The following CYYR1 variants were observed in gnomAD, a reference collection of about 807,000 sequenced individuals.
CYYR1 encodes cysteine and tyrosine rich 1, also known as cysteine and tyrosine-rich protein 1.
Under a neutral mutation model 15.2 loss-of-function variants are expected in CYYR1, and 14 were observed. The ratio of observed to expected loss-of-function variants is 0.92; its 90% CI spans 0.61 to 1.44. CYYR1 has a LOEUF of 1.44. Ranked by LOEUF, CYYR1 falls within the 40% of genes most tolerant of loss-of-function variation. The pLI, the probability that CYYR1 is intolerant of heterozygous loss-of-function variation, is 0.00. For missense variants in CYYR1, 228 were observed against 209.5 expected, an observed-to-expected ratio of 1.09 and a Z score of -0.54; for synonymous variants, 80 against 77.4, an observed-to-expected ratio of 1.03 and a Z score of -0.18.
chr21:26,499,465 G>A (rs747818236), intron 2 of CYYR1, among the ~76,000 whole-genome samples: 12 of 152,308 alleles, frequency 7.9e-5, no homozygotes, highest in Admixed American at 2.6e-4. Context: ...TCCCCAGAAC[G>A]TCAAGAGAAT....
At chr21:26,542,221 A>G (rs1978596520) in intron 2 of CYYR1, among the ~76,000 whole-genome samples, 1 of 123,076 alleles carries the variant, frequency 8.1e-6, no homozygotes, top group Non-Finnish European at 1.6e-5. Context: ...CATAAACAGC[A>G]TAAGAAGGTG....
chr21:26,551,157 A>C (rs1296628762), intron 2 of CYYR1: 1 of 152,648 alleles, frequency 6.6e-6, no homozygotes, highest in African/African-American at 2.4e-5. Context: ...CATTTACTGA[A>C]TATTTGAAGC....
intron 2 of CYYR1, among the ~76,000 whole-genome samples, chr21:26,506,181 G>A (rs2830266): frequency 0.81 from 122,358 of 151,986 alleles, 49,412 homozygotes; most frequent in African/African-American, 0.83. Context: ...GGGGCCCTTG[G>A]GAAATTTGAA....
At chr21:26,507,533 A>T (rs1208075651) in intron 2 of CYYR1, among the ~76,000 whole-genome samples, 3 of 152,172 alleles carry the variant, frequency 2.0e-5, no homozygotes, top group African/African-American at 7.2e-5. Flanking sequence ...TTCTCAATGG[A>T]TTTCTCCTTT....
At chr21:26,512,207 AT>A (rs959716967) in intron 2 of CYYR1, among the ~76,000 whole-genome samples, 3 of 144,388 alleles carry the variant, frequency 2.1e-5, no homozygotes, top group Non-Finnish European at 3.2e-5. Context: ...TTTTTTATTT[AT>A]TTTTTTTTGA....
intron 2 of CYYR1, among the ~76,000 whole-genome samples, chr21:26,542,237 CG>C (rs1162294962): frequency 9.1e-5 from 1 of 11,004 alleles, no homozygotes; most frequent in African/African-American, 5.3e-4. Flanking sequence ...AGGTGGGGGA[CG>C]GGGGCGGGGC....
At chr21:26,533,084 A>G (rs1401708907) in intron 2 of CYYR1, among the ~76,000 whole-genome samples, 2 of 151,640 alleles carry the variant, frequency 1.3e-5, no homozygotes, top group African/African-American at 4.8e-5. Flanking sequence ...GGGATACTCA[A>G]CCCGGAATCT....
chr21:26,545,145 T>G (rs1978869818), intron 2 of CYYR1, among the ~76,000 whole-genome samples: 1 of 152,124 alleles, frequency 6.6e-6, no homozygotes, highest in African/African-American at 2.4e-5. Context: ...ACTTTTTTAT[T>G]GAAATTATAT....
At chr21:26,503,283 T>C (rs543932023) in intron 2 of CYYR1, among the ~76,000 whole-genome samples, 1 of 152,312 alleles carries the variant, frequency 6.6e-6, no homozygotes, top group African/African-American at 2.4e-5. Flanking sequence ...ACTTCTTTAG[T>C]CACTTGTTTC....
intron 3 of CYYR1, among the ~76,000 whole-genome samples, chr21:26,475,818 G>A (rs1275997554): frequency 1.3e-5 from 2 of 152,242 alleles, no homozygotes; most frequent in East Asian, 3.9e-4. Flanking sequence ...GTCTGCCTGG[G>A]CGAAGACTTG....
At chr21:26,498,540 G>T (rs1184766013) in intron 2 of CYYR1, among the ~76,000 whole-genome samples, 1 of 152,186 alleles carries the variant, frequency 6.6e-6, no homozygotes, top group Non-Finnish European at 1.5e-5. Flanking sequence ...TTGTGAATGT[G>T]CTTGGAGAAT....
At chr21:26,471,654 A>G (rs994824278) in intron 3 of CYYR1, 2 of 152,204 alleles carry the variant, frequency 1.3e-5, no homozygotes, top group Non-Finnish European at 2.9e-5. Flanking sequence ...TGTGGGCTGT[A>G]TTATCTTTCT....
intron 2 of CYYR1, among the ~76,000 whole-genome samples, chr21:26,560,703 C>G (rs372521660): frequency 6.6e-6 from 1 of 152,106 alleles, no homozygotes; most frequent in East Asian, 1.9e-4. Context: ...CTTTAAGAGG[C>G]CTTTCCAGCA....
intron 2 of CYYR1, among the ~76,000 whole-genome samples, chr21:26,542,663 G>C (rs1187559100): frequency 6.6e-6 from 1 of 151,412 alleles, no homozygotes; most frequent in Non-Finnish European, 1.5e-5. Flanking sequence ...GAATTAAAAG[G>C]CATACAGATC....
intron 2 of CYYR1, among the ~76,000 whole-genome samples, chr21:26,548,777 A>C (rs1979165414): frequency 6.6e-6 from 1 of 152,224 alleles, no homozygotes; most frequent in Admixed American, 6.5e-5. Flanking sequence ...TTTCTAGATT[A>C]GATTCTGGGA....
At chr21:26,488,401 C>T (rs1344483995) in intron 2 of CYYR1, among the ~76,000 whole-genome samples, 1 of 151,852 alleles carries the variant, frequency 6.6e-6, no homozygotes, top group Admixed American at 6.6e-5. Flanking sequence ...ACTATGGGCA[C>T]ACGTCACCAT....
At chr21:26,515,489 A>G (rs1282821211) in intron 2 of CYYR1, among the ~76,000 whole-genome samples, 1 of 152,058 alleles carries the variant, frequency 6.6e-6, no homozygotes, top group East Asian at 1.9e-4. Flanking sequence ...CTCCCCAGGT[A>G]GCTGGAAACT....
chr21:26,566,023 G>A (rs139254719), intron 2 of CYYR1, among the ~76,000 whole-genome samples: 2 of 152,054 alleles, frequency 1.3e-5, no homozygotes, highest in African/African-American at 4.8e-5. Flanking sequence ...AACAATAAAA[G>A]AATAACTCTT....
At chr21:26,529,118 C>A (rs2065899090) in intron 2 of CYYR1, among the ~76,000 whole-genome samples, 1 of 152,108 alleles carries the variant, frequency 6.6e-6, no homozygotes, top group Admixed American at 6.6e-5. Context: ...TGTGTATTAC[C>A]ACTGTTTCCT....
Sources: gnomAD v4.1 joint callset for allele counts (sites outside exome capture counted in the v4.1 genomes callset) on GRCh38, gnomAD v4.1.1 for gene constraint, MANE v1.5 for transcripts, NCBI Gene and HGNC (gene_info 2026-07-23, HGNC 2026-07-21) for gene names.